Variants in ZC3H18 observed in about 807,000 individuals in gnomAD.
ZC3H18 encodes zinc finger CCCH domain-containing protein 18.
ZC3H18 carries 8 observed loss-of-function variants against 106.1 expected under a neutral mutation model. The observed-to-expected ratio is 0.08, with a 90% CI of 0.04 to 0.14. The LOEUF (loss-of-function observed/expected upper bound fraction) is 0.14. Ranked by LOEUF, ZC3H18 falls within the 10% of genes least tolerant of loss-of-function variation. The pLI is 1.00. For missense variants in ZC3H18, 1,318 were observed against 1,278.4 expected, an observed-to-expected ratio of 1.03 and a Z score of -0.47; for synonymous variants, 635 against 522.1, an observed-to-expected ratio of 1.22 and a Z score of -2.95.
In ZC3H18 at chr16:88,577,477, A is replaced by T; in HGVS notation, c.354A>T (p.Ser118=). ...GCGACCTTAGGGATGAGGCCTCCTCAGTCACCAGGGAGCTGGATGAGCATG... is the reference window on the plus strand; with the variant it reads ...GCGACCTTAGGGATGAGGCCTCCTCTGTCACCAGGGAGCTGGATGAGCATG... ...RTSDLRDEAS[S]VTRELDEHEL... is the part of the protein sequence containing the mutation. The change falls in exon 2 of 18, where the codon TCA becomes TCT. Residue 118 remains serine, a synonymous_variant. Coordinates refer to ENST00000301011, the MANE Select transcript of ZC3H18 (RefSeq NM_144604.4). 6.2e-7 allele frequency: 1 copy of T among 1,612,770 alleles called. No individual in the cohort carries two copies. The highest frequency in any genetic ancestry group is 8.5e-7 in the Non-Finnish European group (1 of 1,179,682).
rs150755636 is a variant in ZC3H18 at position 88,571,219 on chromosome 16, T to C, written c.-15+653T>C. On this transcript the variant is annotated intron_variant, in intron 1 of 17. Coordinates refer to ENST00000301011, the MANE Select transcript of ZC3H18 (RefSeq NM_144604.4). Reference sequence around the variant, plus strand: ...TGCCAAACATTTTTCCTGAATACTTTATGACAACTGAGTTTGCCGGGTAGA... The same window carrying C: ...TGCCAAACATTTTTCCTGAATACTTCATGACAACTGAGTTTGCCGGGTAGA... Among the ~76,000 whole-genome samples, 390 of 152,342 alleles carry C rather than the reference T, an allele frequency of 2.6e-3. 1 individual carries two copies. The highest frequency in any genetic ancestry group is 9.0e-3 in the African/African-American group (373 of 41,572).
chr16:88,609,130 A>C, intron 7 of ZC3H18, 79 bp downstream of exon 7: 1 of 1,200,346 alleles, frequency 8.3e-7, no homozygotes. Context: ...ACAGTAAAAA[A>C]TACAGGGCTT....
intron 8 of ZC3H18, among the ~76,000 whole-genome samples, chr16:88,612,676 A>G (rs1905338219): frequency 6.7e-6 from 1 of 150,190 alleles, no homozygotes; most frequent in African/African-American, 2.5e-5. Context: ...GAGACCCTGT[A>G]TCTAAAAAAA....
intron 8 of ZC3H18, among the ~76,000 whole-genome samples, chr16:88,613,350 T>G (rs1388809557): frequency 6.6e-6 from 1 of 152,236 alleles, no homozygotes; most frequent in African/African-American, 2.4e-5. Context: ...CCATTTTTCT[T>G]GAGCATATAC....
At chr16:88,607,702 GTC>G (rs1567590390) in intron 6 of ZC3H18, among the ~76,000 whole-genome samples, 15 of 149,794 alleles carry the variant, frequency 1.0e-4, no homozygotes, top group South Asian at 2.1e-4. Flanking sequence ...TCTCTCAGGC[GTC>G]TCCCCATTTA....
intron 3 of ZC3H18, among the ~76,000 whole-genome samples, chr16:88,593,023 T>G (rs1915842367): frequency 6.6e-6 from 1 of 152,254 alleles, no homozygotes; most frequent in Admixed American, 6.5e-5. Flanking sequence ...ATTTATAAGT[T>G]ACGCACAGTA....
chr16:88,595,197 C>T (rs1031326254), intron 3 of ZC3H18, among the ~76,000 whole-genome samples: 1 of 152,120 alleles, frequency 6.6e-6, no homozygotes, highest in Non-Finnish European at 1.5e-5. Context: ...GCTGCTGTGC[C>T]GACATTCCAG....
At chr16:88,587,930 C>G (rs1380682743) in intron 3 of ZC3H18, among the ~76,000 whole-genome samples, 1 of 152,180 alleles carries the variant, frequency 6.6e-6, no homozygotes, top group African/African-American at 2.4e-5. Flanking sequence ...CCGGGTTAGG[C>G]TCGCTCCTGT....
intron 3 of ZC3H18, among the ~76,000 whole-genome samples, chr16:88,593,998 A>T (rs1904314718): frequency 6.6e-6 from 1 of 152,166 alleles, no homozygotes; most frequent in Admixed American, 6.5e-5. Context: ...AGCTCGCTGT[A>T]AGGAGCCTTC....
At chr16:88,629,390 C>G (rs1375622018) in intron 16 of ZC3H18, among the ~76,000 whole-genome samples, 2 of 152,188 alleles carry the variant, frequency 1.3e-5, no homozygotes, top group Non-Finnish European at 2.9e-5. Context: ...GCAGGAGAAT[C>G]GCTTGAACCT....
At position 88,614,936 on chromosome 16, in the gene ZC3H18, TC is replaced by T. The variant is rs1905488127; in HGVS notation, c.1475+3402del. Among the ~76,000 whole-genome samples the T allele has an allele frequency of 2.0e-5, 3 of 151,940 alleles. No homozygotes were observed. The South Asian group carries it at 6.2e-4, about 32-fold the overall frequency. On this transcript the variant is annotated intron_variant, in intron 8 of 17. Coordinates refer to ENST00000301011, the MANE Select transcript of ZC3H18 (RefSeq NM_144604.4). ...GCCCAGATGGGCTGCCCCCATTTCC[TC>T]CATTCCGTCTGCCTGGACGGGCTGC...
chr16:88,611,347 G>A lies in ZC3H18; in HGVS notation c.1286G>A (p.Arg429His), dbSNP rs759580517. ...CGGGAGCGGGACCGAGAGCGGGAGC[G>A]CCGGCAGAGGGAGCGCGAGCGAGAG... ...RERERDRERERRQRERERERE... is the reference protein window; with the variant it reads ...RERERDREREHRQRERERERE... The change falls in exon 8 of 18, where the codon CGC becomes CAC. Residue 429 changes from arginine (R) to histidine (H), a missense_variant. Around this residue, in one of 6 missense-constraint regions of ZC3H18, gnomAD observed 848 missense variants for 821.7 expected, o/e 1.03. Transcript: ENST00000301011. 7 of 806,912 alleles carry A rather than the reference G, an allele frequency of 8.7e-6. No individual in the cohort carries two copies. Among genetic ancestry groups the A allele is most frequent in the Non-Finnish European group, 1.5e-5 (7 of 477,036 alleles). 50.0% of individuals were successfully genotyped at this position (806,912 alleles called of 1,614,324 possible). A position where few individuals can be genotyped will look rare whatever the true frequency, so the allele number is the denominator to read the frequency against.
intron 1 of ZC3H18, among the ~76,000 whole-genome samples, chr16:88,574,237 C>A (rs114741659): frequency 6.6e-6 from 1 of 151,872 alleles, no homozygotes; most frequent in Non-Finnish European, 1.5e-5. Context: ...GACGGAGTCT[C>A]GCTTAGCCAC....
chr16:88,602,305 A>G (rs530705437), intron 6 of ZC3H18, among the ~76,000 whole-genome samples: 16 of 152,356 alleles, frequency 1.1e-4, no homozygotes, highest in East Asian at 5.8e-4. Flanking sequence ...ATGTGTTGCA[A>G]TCCTGCTGCA....
intron 3 of ZC3H18, among the ~76,000 whole-genome samples, chr16:88,596,725 T>C (rs1310283422): frequency 6.6e-6 from 1 of 152,238 alleles, no homozygotes; most frequent in Non-Finnish European, 1.5e-5. Context: ...GGACATTTTT[T>C]ACAATGAGCT....
intron 3 of ZC3H18, among the ~76,000 whole-genome samples, chr16:88,595,300 C>T (rs1173983679): frequency 6.6e-6 from 1 of 152,248 alleles, no homozygotes; most frequent in African/African-American, 2.4e-5. Flanking sequence ...CTCCAGCGGC[C>T]TCTGTCCCTC....
At chr16:88,587,225 A>C (rs1466264512) in intron 3 of ZC3H18, among the ~76,000 whole-genome samples, 1 of 152,216 alleles carries the variant, frequency 6.6e-6, no homozygotes, top group African/African-American at 2.4e-5. Context: ...CAGTGTAAGA[A>C]AGTGTCAGAA....
intron 8 of ZC3H18, among the ~76,000 whole-genome samples, chr16:88,620,614 T>C (rs949986161): frequency 6.6e-6 from 1 of 151,468 alleles, no homozygotes; most frequent in South Asian, 2.1e-4. Flanking sequence ...ACGTTCTGCT[T>C]ATACAATTGC....
chr16:88,606,529 TG>T (rs1427532652), intron 6 of ZC3H18, among the ~76,000 whole-genome samples: 1 of 152,230 alleles, frequency 6.6e-6, no homozygotes, highest in Non-Finnish European at 1.5e-5. Context: ...TCACACATTT[TG>T]GGAAAGGCTT....
Sources: allele counts gnomAD v4.1 joint callset (sites outside exome capture counted in the v4.1 genomes callset), GRCh38; gene constraint gnomAD v4.1.1; regional missense constraint gnomAD v4.1.1; transcripts MANE v1.5; gene names NCBI Gene and HGNC (gene_info 2026-07-23, HGNC 2026-07-21).